Variants in PRUNE2 observed in about 807,000 individuals in gnomAD.
PRUNE2 encodes the protein prune homolog 2 with BCH domain, also known as protein prune homolog 2.
In PRUNE2, 164 loss-of-function variants were observed where a neutral mutation model predicts 252.0. That is an observed-to-expected ratio of 0.65 (90% CI 0.57 to 0.74). The LOEUF (loss-of-function observed/expected upper bound fraction) is 0.74. Among genes scored for constraint, PRUNE2 ranks in the 30% least tolerant of loss-of-function variants. The pLI is 0.00. For missense variants in PRUNE2, 3,495 were observed against 3,711.0 expected (o/e 0.94, Z 1.51); for synonymous variants, 1,292 against 1,350.2 (o/e 0.96, Z 0.94).
At chr9:76,640,965 C>A (rs1842332225) in intron 12 of PRUNE2, among the ~76,000 whole-genome samples, 1 of 152,160 alleles carries the variant, frequency 6.6e-6, no homozygotes, top group Non-Finnish European at 1.5e-5. Flanking sequence ...TTCTTTATTT[C>A]CATGAACTTC....
chr9:76,656,265 A>C (rs1849186171), intron 9 of PRUNE2, among the ~76,000 whole-genome samples: 2 of 152,140 alleles, frequency 1.3e-5, no homozygotes, highest in African/African-American at 4.8e-5. Flanking sequence ...GTTCACGATA[A>C]ATTTCTCTTG....
chr9:76,708,532 A>C lies in PRUNE2; in HGVS notation c.3742T>G (p.Leu1248Val). The stretch of plus-strand genomic sequence containing the variant: ...GAATGGCTGGGGATTTCAGGAGGCA[A>C]TTCCCTTTGCTCTGAATCTGTGATA... ...SHITDSEQRE[L>V]PPEIPSHSAN... The change falls in exon 8 of 19, where the codon TTG (leucine) becomes GTG (valine). Residue 1248 changes from leucine to valine, a missense_variant. Physicochemically the swap from Leu to Val is conservative, Grantham distance 32. Coordinates refer to ENST00000376718, the MANE Select transcript of PRUNE2 (RefSeq NM_015225.3). 6.2e-7 allele frequency: 1 copy of C among 1,613,980 alleles called. No individual in the cohort carries two copies. The highest frequency in any genetic ancestry group is 8.5e-7 in the Non-Finnish European group (1 of 1,179,892).
chr9:76,872,890 A>G (rs1036745558), intron 1 of PRUNE2, among the ~76,000 whole-genome samples: 3 of 152,154 alleles, frequency 2.0e-5, no homozygotes, highest in Non-Finnish European at 4.4e-5. Flanking sequence ...ATATAACCTT[A>G]TTTGGACCTG....
intron 6 of PRUNE2, among the ~76,000 whole-genome samples, chr9:76,812,127 G>A (rs939245487): frequency 2.0e-5 from 3 of 151,998 alleles, no homozygotes; most frequent in Admixed American, 2.0e-4. Flanking sequence ...GATAATCCAG[G>A]ATGCATCATT....
intron 2 of PRUNE2, among the ~76,000 whole-genome samples, 155 bp from the exon 3 acceptor site, chr9:76,850,820 A>G (rs1454230268): frequency 6.7e-6 from 1 of 149,832 alleles, no homozygotes; most frequent in Non-Finnish European, 1.5e-5. Context: ...CCTGAACCCA[A>G]TTAATAGAGT....
intron 9 of PRUNE2, among the ~76,000 whole-genome samples, chr9:76,683,497 C>G (rs1356828953): frequency 6.6e-6 from 1 of 152,154 alleles, no homozygotes; most frequent in Non-Finnish European, 1.5e-5. Context: ...TTAACCTAAG[C>G]AGGGTAAGTT....
chr9:76,614,463 G>C lies in PRUNE2; in HGVS notation c.*107C>G, dbSNP rs1828460306. On this transcript the variant is annotated 3_prime_UTR_variant, in exon 19 of 19. Transcript: ENST00000376718. ...CCCTTAGAAATTTAGAATGGCACCA[G>C]GTAGTGCAAAGTGGAAAAAGGTAAC... 1.2e-6 allele frequency: 1 copy of C among 862,420 alleles called. No homozygotes were observed. Among genetic ancestry groups the C allele is most frequent in the Non-Finnish European group, 1.9e-6 (1 of 517,416 alleles). The allele number at this position is 862,420 out of a possible 1,614,324, so 53.4% of individuals were successfully genotyped here.
At chr9:76,694,567 C>G (rs1259187245) in intron 9 of PRUNE2, among the ~76,000 whole-genome samples, 2 of 152,158 alleles carry the variant, frequency 1.3e-5, no homozygotes, top group Non-Finnish European at 2.9e-5. Flanking sequence ...TCAGGCCAAT[C>G]ATAGATACCT....
At chr9:76,767,820 G>A (rs530644163) in intron 6 of PRUNE2, among the ~76,000 whole-genome samples, 1 of 152,138 alleles carries the variant, frequency 6.6e-6, no homozygotes, top group African/African-American at 2.4e-5. Flanking sequence ...TCTTCTATCC[G>A]AACACTGTCC....
At chr9:76,620,344 T>G (rs1831676072) in intron 17 of PRUNE2, among the ~76,000 whole-genome samples, 1 of 152,150 alleles carries the variant, frequency 6.6e-6, no homozygotes, top group Non-Finnish European at 1.5e-5. Flanking sequence ...TTTGCCATGT[T>G]GCCCCAGGCT....
At chr9:76,826,858 T>C in intron 4 of PRUNE2, 126 bp from the exon 5 acceptor site, 1 of 716,158 alleles carries the variant, frequency 1.4e-6, no homozygotes, top group South Asian at 2.1e-5. Context: ...TGGACCAGAG[T>C]CCTCCACACG....
chr9:76,689,861 G>A (rs1447548556), intron 9 of PRUNE2, among the ~76,000 whole-genome samples: 1 of 152,174 alleles, frequency 6.6e-6, no homozygotes, highest in Non-Finnish European at 1.5e-5. Flanking sequence ...TACTTTAGCA[G>A]TTGAATTTCA....
At chr9:76,783,749 C>T (rs773661600) in intron 6 of PRUNE2, 5 of 152,164 alleles carry the variant, frequency 3.3e-5, no homozygotes, top group South Asian at 4.1e-4. Context: ...TGAGGCCACA[C>T]ATCTGCTGAA....
At chr9:76,690,618 C>T (rs971608852) in intron 9 of PRUNE2, among the ~76,000 whole-genome samples, 4 of 152,090 alleles carry the variant, frequency 2.6e-5, no homozygotes, top group African/African-American at 9.7e-5. Flanking sequence ...CTGGGATGTA[C>T]CAAAGAGAGC....
At chr9:76,644,146 A>G (rs999224945) in intron 12 of PRUNE2, among the ~76,000 whole-genome samples, 1 of 152,212 alleles carries the variant, frequency 6.6e-6, no homozygotes, top group Non-Finnish European at 1.5e-5. Context: ...TGCTGGAAAT[A>G]CAAACACACT....
chr9:76,902,717 T>A lies in PRUNE2; in HGVS notation c.36+3211A>T, dbSNP rs142229186. On this transcript the variant is annotated intron_variant, in intron 1 of 18. Transcript: ENST00000376718. Reference sequence around the variant, plus strand: ...TAGCCGTGCCCCACCTCCAACCAAGTTTTTCACAAATATGCTCCAGCCCCC... The same window carrying A: ...TAGCCGTGCCCCACCTCCAACCAAGATTTTCACAAATATGCTCCAGCCCCC... Among the ~76,000 whole-genome samples, 526 of 152,230 alleles carry A rather than the reference T, an allele frequency of 3.5e-3. 3 individuals carry two copies. The highest frequency in any genetic ancestry group is 0.012 in the African/African-American group (502 of 41,534).
Position 76,710,356 on chromosome 9 carries a change from C to G in PRUNE2, c.1918G>C (p.Asp640His), listed in dbSNP as rs771708263. 2.0e-5 allele frequency: 33 copies of G among 1,613,856 alleles called. No individual in the cohort carries two copies. Among genetic ancestry groups the G allele is most frequent in the Non-Finnish European group, 2.6e-5 (31 of 1,179,900 alleles). The change falls in exon 8 of 19, where the codon GAC becomes CAC. Residue 640 changes from aspartate to histidine, a missense_variant. Physicochemically the swap from Asp to His is moderately conservative, Grantham distance 81. Transcript: ENST00000376718. ...TGAGGTGGCCCCATGTGACCTGTGT[C>G]AGTTGCTTTTTGGGTCATATCTTCT... ...YTEDMTQKAT[D>H]TGHMGPPQTH...
chr9:76,905,125 C>G (rs1260376061), intron 1 of PRUNE2, among the ~76,000 whole-genome samples: 1 of 151,752 alleles, frequency 6.6e-6, no homozygotes, highest in Non-Finnish European at 1.5e-5. Context: ...AGAAACATTT[C>G]CATTATGTTT....
At chr9:76,795,473 C>A (rs1243998382) in intron 6 of PRUNE2, among the ~76,000 whole-genome samples, 4 of 152,110 alleles carry the variant, frequency 2.6e-5, no homozygotes, top group Non-Finnish European at 5.9e-5. Context: ...TGAAACAGCC[C>A]CAGCCCAGAG....
Sources: allele counts gnomAD v4.1 joint callset (sites outside exome capture counted in the v4.1 genomes callset), GRCh38; gene constraint gnomAD v4.1.1; transcripts MANE v1.5; gene names NCBI Gene and HGNC (gene_info 2026-07-23, HGNC 2026-07-21).